The following SLC45A4 variants were observed in gnomAD, a reference collection of about 807,000 sequenced individuals.
SLC45A4 encodes polyamine-transporter SLC45A4.
In SLC45A4, 32 loss-of-function variants were observed where a neutral mutation model predicts 63.7. The observed-to-expected ratio is 0.50, with a 90% CI of 0.38 to 0.67. SLC45A4 has a LOEUF of 0.67. Among genes scored for constraint, SLC45A4 ranks in the 30% least tolerant of loss-of-function variants. The pLI is 0.00. For missense variants in SLC45A4, 1,027 were observed against 1,157.7 expected (o/e 0.89, Z 1.64); for synonymous variants, 535 against 510.0 (o/e 1.05, Z -0.66).
At chr8:141,228,089 T>C (rs2154614217) in intron 2 of SLC45A4, 1 of 1,506,308 alleles carries the variant, frequency 6.6e-7, no homozygotes, top group Non-Finnish European at 9.2e-7. Context: ...GGAGTGGAGC[T>C]GTTGGGTGCC....
chr8:141,216,366 A>T (rs539608345), intron 6 of SLC45A4, among the ~76,000 whole-genome samples: 1 of 152,010 alleles, frequency 6.6e-6, no homozygotes, highest in Non-Finnish European at 1.5e-5. Flanking sequence ...GGGAACACAC[A>T]TTTTTGCTGG....
At chr8:141,217,788 A>T (rs1826255294) in intron 5 of SLC45A4, among the ~76,000 whole-genome samples, 1 of 152,190 alleles carries the variant, frequency 6.6e-6, no homozygotes, top group African/African-American at 2.4e-5. Context: ...CGCGGGCCTC[A>T]CTGCAACCCA....
chr8:141,282,763 C>T (rs1031196270), intron 1 of SLC45A4, among the ~76,000 whole-genome samples: 1 of 152,236 alleles, frequency 6.6e-6, no homozygotes, highest in African/African-American at 2.4e-5. Context: ...AAGAGTCTGC[C>T]GTGCGCCTCC....
At chr8:141,267,690 G>A (rs1378523894) in intron 1 of SLC45A4, among the ~76,000 whole-genome samples, 2 of 151,138 alleles carry the variant, frequency 1.3e-5, no homozygotes, top group Non-Finnish European at 2.9e-5. Flanking sequence ...CACCAAAGAT[G>A]ATACACAGAC....
rs546153342 is a variant in SLC45A4, at chr8:141,270,067, C to G, written c.-400-15438G>C. 4.6e-5 allele frequency among the ~76,000 whole-genome samples: 7 copies of G among 152,284 alleles called. No individual in the cohort carries two copies. The South Asian group carries it at 1.5e-3, about 32-fold the overall frequency. ...GACCCTTGCCCTGCCCTTCTCACAC[C>G]TGCTTGCAGACCTTGCCTCCTGCCC... On this transcript the variant is annotated intron_variant, in intron 1 of 8. Transcript: ENST00000517878.
At position 141,211,527 on chromosome 8, in the gene SLC45A4, C is replaced by T. The variant is rs201885053; in HGVS notation, c.*45G>A. 2.3e-5 allele frequency: 37 copies of T among 1,612,942 alleles called. No homozygotes were observed. The highest frequency in any genetic ancestry group is 3.0e-5 in the Non-Finnish European group (35 of 1,179,790). On this transcript the variant is annotated 3_prime_UTR_variant, in exon 9 of 9. Transcript: ENST00000517878. ...TGCCCAAGGACAGGGCTGCCCTGGG[C>T]ACAATGTGTCCAACTCGCTGAGGAA... is the stretch of plus-strand genomic sequence containing the variant.
chr8:141,238,239 A>G (rs574888490), intron 2 of SLC45A4, among the ~76,000 whole-genome samples: 1 of 152,172 alleles, frequency 6.6e-6, no homozygotes, highest in Admixed American at 6.5e-5. Flanking sequence ...ATCAAGCTAT[A>G]AGTCTCCAGT....
chr8:141,213,813 A>G (rs1048546453), intron 7 of SLC45A4, among the ~76,000 whole-genome samples: 5 of 152,262 alleles, frequency 3.3e-5, no homozygotes, highest in Admixed American at 1.3e-4. Flanking sequence ...TGTTATCACT[A>G]TAGGTTCCAT....
chr8:141,247,806 A>G (rs570672321), intron 2 of SLC45A4, among the ~76,000 whole-genome samples: 26 of 152,354 alleles, frequency 1.7e-4, no homozygotes, highest in African/African-American at 6.0e-4. Flanking sequence ...GAACAGACAT[A>G]TAGATCAATG....
At chr8:141,276,881 G>T (rs569014366) in intron 1 of SLC45A4, among the ~76,000 whole-genome samples, 1 of 152,304 alleles carries the variant, frequency 6.6e-6, no homozygotes, top group Non-Finnish European at 1.5e-5. Flanking sequence ...CCTCACGCGG[G>T]CTCCTCAGCT....
intron 1 of SLC45A4, among the ~76,000 whole-genome samples, chr8:141,264,993 A>G (rs1397632344): frequency 1.3e-5 from 2 of 152,244 alleles, no homozygotes; most frequent in East Asian, 1.9e-4. Flanking sequence ...ATTCATTCTT[A>G]TATTTTCAGT....
At chr8:141,240,569 T>C (rs1393569652) in intron 2 of SLC45A4, among the ~76,000 whole-genome samples, 15 of 152,108 alleles carry the variant, frequency 9.9e-5, no homozygotes, top group Non-Finnish European at 1.5e-5. Flanking sequence ...CACAACACGC[T>C]TTTAAAAAGT....
chr8:141,217,288 T>C (rs998930766), intron 5 of SLC45A4, 99 bp from the exon 6 acceptor site: 32 of 1,259,700 alleles, frequency 2.5e-5, no homozygotes, highest in Non-Finnish European at 3.2e-5. Context: ...CTGCTCATTC[T>C]AAGAGCGGTG....
chr8:141,297,516 C>G (rs1830600976), intron 1 of SLC45A4, among the ~76,000 whole-genome samples: 1 of 152,246 alleles, frequency 6.6e-6, no homozygotes, highest in South Asian at 2.1e-4. Context: ...GGCTTCCAGG[C>G]TCTCCCACAG....
At chr8:141,264,744 T>C (rs1410657588) in intron 1 of SLC45A4, among the ~76,000 whole-genome samples, 1 of 152,210 alleles carries the variant, frequency 6.6e-6, no homozygotes, top group East Asian at 1.9e-4. Context: ...TCCATGGTCT[T>C]CCACATTGTT....
At position 141,211,708 on chromosome 8, in the gene SLC45A4, G is replaced by C. The variant is rs751652020; in HGVS notation, c.2302-11C>G. 4.7e-5 allele frequency: 72 copies of C among 1,521,996 alleles called. 1 individual carries two copies. The South Asian group carries it at 9.4e-4, about 20-fold the overall frequency. The allele number at this position is 1,521,996 out of a possible 1,614,324, so 94.3% of individuals were successfully genotyped here. A position where few individuals can be genotyped will look rare whatever the true frequency, so the allele number is the denominator to read the frequency against. Reference sequence around the variant, plus strand: ...AATACCTGCAGGCGTCTACAGAGAGGAAATTTGATAAAAATATTTTAGTCA... The same window carrying C: ...AATACCTGCAGGCGTCTACAGAGAGCAAATTTGATAAAAATATTTTAGTCA... On this transcript the variant is annotated splice_polypyrimidine_tract_variant and intron_variant, in intron 8 of 8. Transcript: ENST00000517878.
At chr8:141,243,435 T>C (rs1453387136) in intron 2 of SLC45A4, among the ~76,000 whole-genome samples, 3 of 152,202 alleles carry the variant, frequency 2.0e-5, no homozygotes, top group South Asian at 2.1e-4. Context: ...ACAAAACCAC[T>C]TGCCATCAAC....
intron 2 of SLC45A4, among the ~76,000 whole-genome samples, chr8:141,249,924 A>G (rs1371090798): frequency 1.3e-5 from 2 of 152,186 alleles, no homozygotes; most frequent in African/African-American, 4.8e-5. Context: ...CCTTCTATTC[A>G]TGATTCCTGC....
intron 2 of SLC45A4, among the ~76,000 whole-genome samples, chr8:141,245,768 A>G (rs893380587): frequency 1.3e-5 from 2 of 152,202 alleles, no homozygotes; most frequent in Non-Finnish European, 2.9e-5. Flanking sequence ...GGGCAGCAGC[A>G]CTGTCTGCCA....
Sources: gnomAD v4.1 joint callset for allele counts (sites outside exome capture counted in the v4.1 genomes callset) on GRCh38, gnomAD v4.1.1 for gene constraint, MANE v1.5 for transcripts, NCBI Gene and HGNC (gene_info 2026-07-23, HGNC 2026-07-21) for gene names.